The following GPD2 variants were observed in gnomAD, a reference collection of about 807,000 sequenced individuals.
The protein encoded by GPD2 is glycerol-3-phosphate dehydrogenase, mitochondrial.
Under a neutral mutation model 82.4 loss-of-function variants are expected in GPD2, and 54 were observed. The ratio of observed to expected loss-of-function variants is 0.66; its 90% CI spans 0.53 to 0.82. GPD2 has a LOEUF of 0.82. Among genes scored for constraint, GPD2 ranks in the 40% least tolerant of loss-of-function variants. The pLI is 0.00. For synonymous variants in GPD2, 288 were observed against 306.1 expected (o/e 0.94, Z 0.62); for missense variants, 748 against 896.2 (o/e 0.83, Z 2.11).
chr2:156,571,071 G>T, intron 12 of GPD2, 63 bp from the exon 13 acceptor site: 1 of 1,071,002 alleles, frequency 9.3e-7, no homozygotes, highest in Non-Finnish European at 1.5e-6. Flanking sequence ...TTTAAGTGAA[G>T]CTTTATTTCT....
chr2:156,548,872 T>C (rs1333294002), intron 6 of GPD2, among the ~76,000 whole-genome samples: 3 of 152,130 alleles, frequency 2.0e-5, no homozygotes, highest in Admixed American at 6.6e-5. Context: ...CAATAATAAA[T>C]AGAAAAAGTC....
intron 9 of GPD2, 76 bp from the exon 10 acceptor site, chr2:156,568,747 CTT>C: frequency 3.8e-6 from 5 of 1,322,376 alleles, no homozygotes; most frequent in African/African-American, 1.5e-5. Context: ...TCACCGAACT[CTT>C]TTTATTAACT....
At chr2:156,430,107 GA>G in the GPD2 span, among the ~76,000 whole-genome samples, 3 of 152,034 alleles carry the variant, frequency 2.0e-5, no homozygotes, top group East Asian at 1.9e-4. Context: ...AGAATATAAT[GA>G]AAAAAATATG....
chr2:156,563,645 T>C (rs1417097670), intron 9 of GPD2, among the ~76,000 whole-genome samples: 2 of 152,144 alleles, frequency 1.3e-5, no homozygotes, highest in African/African-American at 4.8e-5. Flanking sequence ...ATAAAGTGTT[T>C]AGGAGCTATT....
chr2:156,457,373 C>T (rs566210522), intron 1 of GPD2, among the ~76,000 whole-genome samples: 4 of 152,254 alleles, frequency 2.6e-5, no homozygotes, highest in African/African-American at 9.6e-5. Flanking sequence ...GAGGTATAAA[C>T]GTTGGACTCC....
intron 6 of GPD2, among the ~76,000 whole-genome samples, chr2:156,519,608 C>T (rs558976920): frequency 7.2e-5 from 11 of 152,310 alleles, no homozygotes; most frequent in East Asian, 5.8e-4. Flanking sequence ...TAAAAGAATA[C>T]GTGTAACACG....
At position 156,569,384 on chromosome 2, in the gene GPD2, G is replaced by T. The variant is rs140203221; in HGVS notation, c.1322G>T (p.Arg441Leu). 1.4e-5 allele frequency: 22 copies of T among 1,609,978 alleles called. No homozygotes were observed. The highest frequency in any genetic ancestry group is 1.8e-5 in the Non-Finnish European group (21 of 1,176,562). ...ATAGGTGGAAAGTGGACAACTTATC[G>T]GTCTATGGCAGAAGATACCATAAAT... ...TIAGGKWTTY[R>L]SMAEDTINAA... The change falls in exon 11 of 17, where the codon CGG becomes CTG. Residue 441 changes from arginine to leucine, a missense_variant. By Grantham distance (102) the Arg-to-Leu change is moderately radical. Transcript: ENST00000438166.
chr2:156,548,101 A>G (rs923636578), intron 6 of GPD2, among the ~76,000 whole-genome samples: 1 of 152,092 alleles, frequency 6.6e-6, no homozygotes, highest in African/African-American at 2.4e-5. Flanking sequence ...GTACTGTGTT[A>G]TTTTCTTAAT....
chr2:156,446,260 T>A (rs369945751), intron 1 of GPD2, among the ~76,000 whole-genome samples: 1 of 152,208 alleles, frequency 6.6e-6, no homozygotes, highest in African/African-American at 2.4e-5. Context: ...CATGCCCGGC[T>A]AATATTTGTA....
chr2:156,476,110 C>A lies in GPD2; in HGVS notation c.5C>A (p.Ala2Glu). 6.3e-7 allele frequency: 1 copy of A among 1,577,982 alleles called. No homozygotes were observed. The highest frequency in any genetic ancestry group is 8.7e-7 in the Non-Finnish European group (1 of 1,147,278). MAFQKAVKGTIL... is the reference protein window; with the variant it reads MEFQKAVKGTIL... Reference sequence around the variant, plus strand: ...TTTTTCTTTGTAGGCTAAGAAATGGCATTTCAAAAGGCAGTGAAAGGGACG... The same window carrying A: ...TTTTTCTTTGTAGGCTAAGAAATGGAATTTCAAAAGGCAGTGAAAGGGACG... Residue 2 changes from alanine to glutamate, a missense_variant, in exon 2 of 17, where the codon GCA becomes GAA. Physicochemically the swap from Ala to Glu is moderately radical, Grantham distance 107. Coordinates refer to ENST00000438166, the MANE Select transcript of GPD2 (RefSeq NM_000408.5).
chr2:156,412,670 A>G, the GPD2 span, among the ~76,000 whole-genome samples: 1 of 152,274 alleles, frequency 6.6e-6, no homozygotes, highest in Non-Finnish European at 1.5e-5. Flanking sequence ...AATTAGCTCA[A>G]TAAATATTAG....
intron 2 of GPD2, among the ~76,000 whole-genome samples, chr2:156,480,321 A>T (rs1220394724): frequency 1.3e-5 from 2 of 152,152 alleles, no homozygotes; most frequent in African/African-American, 2.4e-5. Context: ...GAAGGTTGGG[A>T]TGGGAGTGGC....
chr2:156,514,915 T>C (rs1685144578), intron 6 of GPD2, among the ~76,000 whole-genome samples: 1 of 152,122 alleles, frequency 6.6e-6, no homozygotes, highest in Non-Finnish European at 1.5e-5. Context: ...GTAAAGAGGT[T>C]TTTGGTCCAG....
At chr2:156,578,702 A>C (rs1474035830) in intron 13 of GPD2, among the ~76,000 whole-genome samples, 187 bp from the exon 14 acceptor site, 1 of 152,218 alleles carries the variant, frequency 6.6e-6, no homozygotes, top group Non-Finnish European at 1.5e-5. Flanking sequence ...TGTAGATCTT[A>C]ATCATGGTAG....
chr2:156,527,404 AC>A (rs1416197155), intron 6 of GPD2, among the ~76,000 whole-genome samples: 1 of 152,116 alleles, frequency 6.6e-6, no homozygotes, highest in African/African-American at 2.4e-5. Flanking sequence ...ATTAATACTT[AC>A]TCATATCACA....
At chr2:156,575,619 T>G (rs1249623242) in intron 13 of GPD2, among the ~76,000 whole-genome samples, 1 of 151,866 alleles carries the variant, frequency 6.6e-6, no homozygotes, top group African/African-American at 2.4e-5. Flanking sequence ...CTGTCCGGGC[T>G]GGTCTCAAAC....
intron 2 of GPD2, among the ~76,000 whole-genome samples, chr2:156,484,116 A>G (rs954501831): frequency 6.6e-6 from 1 of 151,288 alleles, no homozygotes; most frequent in Admixed American, 6.6e-5. Flanking sequence ...ACAGGTTTGT[A>G]AGCAATCTTT....
chr2:156,478,607 C>T (rs552637792), intron 2 of GPD2, among the ~76,000 whole-genome samples: 1 of 152,188 alleles, frequency 6.6e-6, no homozygotes, highest in African/African-American at 2.4e-5. Flanking sequence ...CTCAGCTGTC[C>T]TCTCTCAGAA....
intron 1 of GPD2, among the ~76,000 whole-genome samples, chr2:156,441,988 G>T (rs1464092042): frequency 6.6e-6 from 1 of 152,124 alleles, no homozygotes; most frequent in Non-Finnish European, 1.5e-5. Flanking sequence ...CTTATGTACT[G>T]TATTTTTGAC....
Sources: gnomAD v4.1 joint callset for allele counts (sites outside exome capture counted in the v4.1 genomes callset) on GRCh38, gnomAD v4.1.1 for gene constraint, MANE v1.5 for transcripts, NCBI Gene and HGNC (gene_info 2026-07-23, HGNC 2026-07-21) for gene names.